The following C7 variants were observed in gnomAD, a reference collection of about 807,000 sequenced individuals.
C7 encodes the protein complement C7, also known as complement component C7.
In C7, 83 loss-of-function variants were observed where a neutral mutation model predicts 104.8. The observed-to-expected ratio is 0.79, with a 90% confidence interval of 0.66 to 0.95. The LOEUF is 0.95. C7 is among the 40% of genes least tolerant of loss of function. C7 has a pLI of 0.00. For missense variants in C7, 1,070 were observed against 1,011.2 expected (o/e 1.06, Z -0.79); for synonymous variants, 415 against 360.6 (o/e 1.15, Z -1.71).
In C7 at chr5:40,938,391, T is replaced by G. The variant is rs191277888; in HGVS notation, c.567+701T>G. 1.6e-3 allele frequency among the ~76,000 whole-genome samples: 245 copies of G among 152,316 alleles called. 3 individuals carry two copies. Among genetic ancestry groups the G allele is most frequent in the Non-Finnish European group, 2.7e-3 (182 of 68,020 alleles). On this transcript the variant is annotated intron_variant, in intron 6 of 17. Coordinates refer to ENST00000313164, the MANE Select transcript of C7 (RefSeq NM_000587.4). ...TCTATTCTTCTGTTACTTTTTTCAC[T>G]AAAAGTTATGGATTTGAGATTTACT...
intron 2 of C7, 125 bp from the exon 3 acceptor site, chr5:40,930,939 T>C (rs528777803): frequency 1.4e-5 from 10 of 706,192 alleles, no homozygotes; most frequent in Non-Finnish European, 2.5e-5. Context: ...AGGATCCTTT[T>C]AGTGTCTCTT....
At position 40,984,320 on chromosome 5, in the gene C7, G is replaced by C. The variant is rs1741019027; in HGVS notation, c.*2747G>C. Among the ~76,000 whole-genome samples, 1 of 152,150 alleles carries C rather than the reference G, an allele frequency of 6.6e-6. No homozygotes were observed. Among genetic ancestry groups the C allele is most frequent in the African/African-American group, 2.4e-5 (1 of 41,446 alleles). ...TGGTAGGGATGTGGAGTGCCAAGCA[G>C]GAAATCTGACAAGTGACCCCCGGAA... On this transcript the variant is annotated 3_prime_UTR_variant, in exon 18 of 18. Transcript: ENST00000313164.
Position 40,945,174 on chromosome 5 carries a change from C to T in C7, c.568-24C>T, listed in dbSNP as rs191344291. ...GGATCCAGCATTAATTTAGTCATAG[C>T]AAAATTTTTCATTTTCTTTGTAGGT... On this transcript the variant is annotated intron_variant, in intron 6 of 17. Transcript: ENST00000313164. 77 of 1,311,366 alleles carry T rather than the reference C, an allele frequency of 5.9e-5. No homozygotes were observed. The African/African-American group carries it at 1.1e-3, about 18-fold the overall frequency. 81.2% of individuals were successfully genotyped at this position (1,311,366 alleles called of 1,614,324 possible). A position where few individuals can be genotyped will look rare whatever the true frequency, so the allele number is the denominator to read the frequency against.
intron 14 of C7, among the ~76,000 whole-genome samples, chr5:40,971,414 C>T (rs551151566): frequency 6.6e-6 from 1 of 152,190 alleles, no homozygotes; most frequent in South Asian, 2.1e-4. Context: ...ATATCCTTTG[C>T]CCACTTTTTG....
intron 1 of C7, chr5:40,911,171 G>A (rs1739200642): frequency 6.6e-6 from 1 of 152,210 alleles, no homozygotes; most frequent in Admixed American, 6.5e-5. Flanking sequence ...GTTCTTACCT[G>A]TATTTGAAAG....
rs1462513956 is a variant in C7, at chr5:40,979,799, T to C, written c.2240T>C (p.Val747Ala). The change falls in exon 17 of 18, where the codon GTT (valine) becomes GCT (alanine). Residue 747 changes from valine (V) to alanine (A), a missense_variant. Coordinates refer to ENST00000313164, the MANE Select transcript of C7 (RefSeq NM_000587.4). Reference protein sequence around the residue: ...ILPLTVCKMHVLHCQGRNYTL... With the variant: ...ILPLTVCKMHALHCQGRNYTL... Reference sequence around the variant, plus strand: ...CCTCTGACAGTTTGCAAGATGCATGTTCTCCACTGTCAGGGTAGAAATTAC... The same window carrying C: ...CCTCTGACAGTTTGCAAGATGCATGCTCTCCACTGTCAGGGTAGAAATTAC... The C allele has an allele frequency of 3.7e-6, 6 of 1,613,676 alleles. No homozygotes were observed.
At chr5:40,966,903 C>A (rs978066443) in intron 14 of C7, among the ~76,000 whole-genome samples, 13 of 151,946 alleles carry the variant, frequency 8.6e-5, no homozygotes, top group African/African-American at 3.1e-4. Flanking sequence ...TAAGCAGAAA[C>A]AAATGAAATA....
intron 10 of C7, among the ~76,000 whole-genome samples, chr5:40,957,533 G>T (rs1740315916): frequency 6.6e-6 from 1 of 151,962 alleles, no homozygotes; most frequent in African/African-American, 2.4e-5. Flanking sequence ...TTGGCTCAGC[G>T]CAACCTCCAC....
intron 5 of C7, among the ~76,000 whole-genome samples, chr5:40,936,941 C>T (rs1739830548): frequency 6.6e-6 from 1 of 152,032 alleles, no homozygotes; most frequent in South Asian, 2.1e-4. Context: ...CTAAACTAGC[C>T]AAGAACCTGT....
chr5:40,970,627 C>T (rs572511559), intron 14 of C7, among the ~76,000 whole-genome samples: 70 of 151,970 alleles, frequency 4.6e-4, no homozygotes, highest in Admixed American at 1.2e-3. Flanking sequence ...TTCTGGGATA[C>T]ATGTGTTGAA....
At chr5:40,976,885 A>G in intron 16 of C7, 45 bp downstream of exon 16, 2 of 1,383,714 alleles carry the variant, frequency 1.4e-6, no homozygotes, top group South Asian at 1.3e-5. Flanking sequence ...TTTATTAATG[A>G]TAAGGGATAA....
At chr5:40,931,534 T>G (rs1354715950) in intron 3 of C7, among the ~76,000 whole-genome samples, 2 of 152,128 alleles carry the variant, frequency 1.3e-5, no homozygotes, top group African/African-American at 4.8e-5. Flanking sequence ...CACTAGCAAA[T>G]AGCAAAATGG....
Position 40,909,617 on chromosome 5 carries a change from G to A in C7, c.6+1G>A. The A allele has an allele frequency of 6.5e-7, 1 of 1,550,364 alleles. No individual in the cohort carries two copies. The highest frequency in any genetic ancestry group is 8.8e-7 in the Non-Finnish European group (1 of 1,135,878). On this transcript the variant is annotated splice_donor_variant, in intron 1 of 17. Coordinates refer to ENST00000313164, the MANE Select transcript of C7 (RefSeq NM_000587.4). LOFTEE classifies it high-confidence loss of function. Reference sequence around the variant, plus strand: ...CCTGAATGTTTTCCCAAACATGAAGGTAAGACAATAAATTCATTACTTTTG... The same window carrying A: ...CCTGAATGTTTTCCCAAACATGAAGATAAGACAATAAATTCATTACTTTTG...
chr5:40,913,028 C>A (rs1409992199), intron 1 of C7, among the ~76,000 whole-genome samples: 1 of 152,134 alleles, frequency 6.6e-6, no homozygotes, highest in African/African-American at 2.4e-5. Flanking sequence ...TATTTAGCTC[C>A]TACTTGTAAG....
intron 14 of C7, among the ~76,000 whole-genome samples, chr5:40,969,118 T>C (rs1263589273): frequency 2.6e-5 from 4 of 152,092 alleles, no homozygotes; most frequent in African/African-American, 9.7e-5. Context: ...TTATAATGAA[T>C]GAGCCTATAT....
rs1469549619 is a variant in C7, at chr5:40,972,068, G to A, written c.1883-335G>A. 3 of 480,146 alleles carry A rather than the reference G, an allele frequency of 6.2e-6. No homozygotes were observed. The East Asian group carries it at 1.8e-4, about 29-fold the overall frequency. The allele number at this position is 480,146 out of a possible 1,614,324, so 29.7% of individuals were successfully genotyped here. A position where few individuals can be genotyped will look rare whatever the true frequency, so the allele number is the denominator to read the frequency against. ...ACTCTCCTGGTGGAACATCACTAGA[G>A]CACATAAATAAGTGACAGCTGTGAA... On this transcript the variant is annotated intron_variant, in intron 14 of 17. Coordinates refer to ENST00000313164, the MANE Select transcript of C7 (RefSeq NM_000587.4).
rs372359270 is a variant in C7, at chr5:40,981,416, G to A, written c.2375G>A (p.Arg792Gln). 1.3e-4 allele frequency: 206 copies of A among 1,612,584 alleles called. No individual in the cohort carries two copies. Among genetic ancestry groups the A allele is most frequent in the Non-Finnish European group, 1.4e-4 (166 of 1,179,330 alleles). The change falls in exon 18 of 18, where the codon CGA becomes CAA. Residue 792 changes from arginine (R) to glutamine (Q), a missense_variant. Transcript: ENST00000313164. ...GCTGAGAGCAGCAAATGTGTCTGCC[G>A]AGAAGCATCGGAGTGCGAGGAAGAA... ...CDAESSKCVCREASECEEEGF... is the reference protein window; with the variant it reads ...CDAESSKCVCQEASECEEEGF...
intron 8 of C7, among the ~76,000 whole-genome samples, chr5:40,949,482 C>G (rs1740120358): frequency 6.6e-6 from 1 of 151,962 alleles, no homozygotes; most frequent in Non-Finnish European, 1.5e-5. Context: ...GAGATTGAAC[C>G]AGTAGAACTT....
rs35802990 is a variant in C7 at position 40,965,648 on chromosome 5, A to ATATATATATATTT, written c.1882+776_1882+777insATATATATATTTT. Among the ~76,000 whole-genome samples, 20 of 130,310 alleles carry ATATATATATATTT rather than the reference A, an allele frequency of 1.5e-4. No homozygotes were observed. In the South Asian group the frequency reaches 1.6e-3, roughly 11 times the overall value. 85.5% of individuals were successfully genotyped at this position (130,310 alleles called of 152,430 possible). A position where few individuals can be genotyped will look rare whatever the true frequency, so the allele number is the denominator to read the frequency against. ...TAGTGATATATATATATATATATAT[A>ATATATATATATTT]TTTTTTTTTTGGAGACAGAGTCTCA... is the stretch of plus-strand genomic sequence containing the variant. On this transcript the variant is annotated intron_variant, in intron 14 of 17. Transcript: ENST00000313164.
Sources: allele counts gnomAD v4.1 joint callset (sites outside exome capture counted in the v4.1 genomes callset), GRCh38; gene constraint gnomAD v4.1.1; transcripts MANE v1.5; gene names NCBI Gene and HGNC (gene_info 2026-07-23, HGNC 2026-07-21).